The following SPOCK3 variants were observed in gnomAD, a reference collection of about 807,000 sequenced individuals.
SPOCK3 encodes the protein SPARC (osteonectin), cwcv and kazal like domains proteoglycan 3.
SPOCK3 carries 30 observed loss-of-function variants against 56.6 expected under a neutral mutation model. The ratio of observed to expected loss-of-function variants is 0.53; its 90% CI spans 0.40 to 0.72. The LOEUF is 0.72. Ranked by LOEUF, SPOCK3 falls within the 30% of genes least tolerant of loss-of-function variation. The pLI is 0.00. For synonymous variants in SPOCK3, 196 were observed against 183.3 expected (o/e 1.07, Z -0.56); for missense variants, 527 against 530.0 (o/e 0.99, Z 0.06).
intron 4 of SPOCK3, among the ~76,000 whole-genome samples, chr4:166,985,964 C>T (rs1747112030): frequency 2.0e-5 from 3 of 151,998 alleles, no homozygotes; most frequent in African/African-American, 7.2e-5. Context: ...CATATCTTTC[C>T]CCTTTTTAGT....
chr4:166,814,358 T>C (rs895480240), intron 6 of SPOCK3, among the ~76,000 whole-genome samples: 14 of 152,026 alleles, frequency 9.2e-5, no homozygotes, highest in Admixed American at 1.3e-4. Flanking sequence ...AAGTATTGTT[T>C]TTAGGTGTGT....
intron 7 of SPOCK3, among the ~76,000 whole-genome samples, chr4:166,778,305 G>A (rs1422505626): frequency 1.3e-5 from 2 of 152,238 alleles, no homozygotes; most frequent in Admixed American, 1.3e-4. Flanking sequence ...TAGTAGGCCT[G>A]TATTATCAAT....
Position 167,022,104 on chromosome 4 carries a change from T to G in SPOCK3, c.236-21641A>C, listed in dbSNP as rs113076204. Among the ~76,000 whole-genome samples, 118 of 152,086 alleles carry G rather than the reference T, an allele frequency of 7.8e-4. 1 individual carries two copies. The highest frequency in any genetic ancestry group is 2.6e-3 in the African/African-American group (110 of 41,512). On this transcript the variant is annotated intron_variant, in intron 3 of 10. Coordinates refer to ENST00000357545, the MANE Select transcript of SPOCK3 (RefSeq NM_001040159.2). ...GTGTGATACCCGAACGTCATTTGGATGTGCTGTTCCCATCTAGTACTGAAT... is the reference window on the plus strand; with the variant it reads ...GTGTGATACCCGAACGTCATTTGGAGGTGCTGTTCCCATCTAGTACTGAAT...
intron 2 of SPOCK3, among the ~76,000 whole-genome samples, chr4:167,144,768 A>G (rs974151910): frequency 1.9e-5 from 2 of 107,316 alleles, no homozygotes; most frequent in Admixed American, 8.7e-5. Flanking sequence ...AGTGCAATTA[A>G]TCTTGATGTG....
intron 3 of SPOCK3, among the ~76,000 whole-genome samples, chr4:167,051,112 T>A (rs1482879481): frequency 2.0e-5 from 3 of 152,172 alleles, no homozygotes; most frequent in Non-Finnish European, 4.4e-5. Context: ...TGTAATTTTT[T>A]AAAAAGTAAA....
chr4:166,898,632 T>A (rs1011286447), intron 5 of SPOCK3, among the ~76,000 whole-genome samples: 16 of 152,132 alleles, frequency 1.1e-4, no homozygotes, highest in Non-Finnish European at 2.2e-4. Flanking sequence ...TGAATTCACA[T>A]TAGGTAGTGA....
intron 6 of SPOCK3, among the ~76,000 whole-genome samples, chr4:166,838,223 C>T (rs1579373519): frequency 6.6e-6 from 1 of 152,036 alleles, no homozygotes; most frequent in African/African-American, 2.4e-5. Context: ...TCAAATGTGC[C>T]ATTTTCCACT....
At chr4:167,226,574 G>T (rs1426212238) in intron 2 of SPOCK3, among the ~76,000 whole-genome samples, 1 of 152,044 alleles carries the variant, frequency 6.6e-6, no homozygotes, top group Admixed American at 6.6e-5. Flanking sequence ...ATTGAGTATC[G>T]CTTGCTTTCT....
At chr4:166,985,481 C>T (rs1478911635) in intron 4 of SPOCK3, among the ~76,000 whole-genome samples, 3 of 152,108 alleles carry the variant, frequency 2.0e-5, no homozygotes, top group Admixed American at 1.3e-4. Context: ...TCACAGAAAA[C>T]ATGTCACTTT....
At chr4:167,108,224 AC>A (rs1760342078) in intron 2 of SPOCK3, among the ~76,000 whole-genome samples, 1 of 151,882 alleles carries the variant, frequency 6.6e-6, no homozygotes, top group South Asian at 2.1e-4. Context: ...AATTACTATA[AC>A]CACTATGGAG....
At position 166,811,888 on chromosome 4, in the gene SPOCK3, T is replaced by C. The variant is rs140320972; in HGVS notation, c.590-19599A>G. 4.3e-3 allele frequency among the ~76,000 whole-genome samples: 648 copies of C among 152,006 alleles called. 1 individual carries two copies. The highest frequency in any genetic ancestry group is 6.8e-3 in the Middle Eastern group (2 of 294). On this transcript the variant is annotated intron_variant, in intron 6 of 10. Coordinates refer to ENST00000357545, the MANE Select transcript of SPOCK3 (RefSeq NM_001040159.2). ...CAGTATTTTAGGAAAATGTTTTCAT[T>C]TTATTATTTAGATTGAGACTGCCTA...
intron 2 of SPOCK3, among the ~76,000 whole-genome samples, chr4:167,157,727 G>A (rs969964495): frequency 6.6e-6 from 1 of 151,174 alleles, no homozygotes; most frequent in Non-Finnish European, 1.5e-5. Context: ...TTCTGGAAAT[G>A]CTAGTGCAAT....
At chr4:167,130,672 C>T (rs1452384212) in intron 2 of SPOCK3, among the ~76,000 whole-genome samples, 1 of 151,780 alleles carries the variant, frequency 6.6e-6, no homozygotes, top group Non-Finnish European at 1.5e-5. Context: ...TAAAAAAAAC[C>T]CAGTCCAAGT....
chr4:167,191,735 C>T lies in SPOCK3; in HGVS notation c.189+42250G>A, dbSNP rs78873132. On this transcript the variant is annotated intron_variant, in intron 2 of 10. Coordinates refer to ENST00000357545, the MANE Select transcript of SPOCK3 (RefSeq NM_001040159.2). ...AGATTATATCATCTGCAAACAAGGA[C>T]AATTTAAATTCTTCAGTTCATATTT... 9.7e-3 allele frequency among the ~76,000 whole-genome samples: 1,407 copies of T among 145,026 alleles called. 112 individuals are homozygous for T. The highest frequency in any genetic ancestry group is 0.014 in the Non-Finnish European group (933 of 66,518).
chr4:167,065,984 A>G (rs930024084), intron 2 of SPOCK3, among the ~76,000 whole-genome samples: 1 of 151,920 alleles, frequency 6.6e-6, no homozygotes, highest in Non-Finnish European at 1.5e-5. Flanking sequence ...TCAAAAACTT[A>G]TGGAGTGAGT....
chr4:166,985,935 C>G (rs1747109837), intron 4 of SPOCK3, among the ~76,000 whole-genome samples: 1 of 152,124 alleles, frequency 6.6e-6, no homozygotes, highest in African/African-American at 2.4e-5. Flanking sequence ...TTTTCTGTCT[C>G]TAGGCTCTAA....
chr4:166,854,763 G>C (rs1214483198), intron 6 of SPOCK3, among the ~76,000 whole-genome samples: 1 of 152,122 alleles, frequency 6.6e-6, no homozygotes, highest in African/African-American at 2.4e-5. Flanking sequence ...TAATTAATAA[G>C]TTAATGAGCT....
At chr4:166,887,773 G>A (rs1272158821) in intron 6 of SPOCK3, among the ~76,000 whole-genome samples, 1 of 151,512 alleles carries the variant, frequency 6.6e-6, no homozygotes, top group Non-Finnish European at 1.5e-5. Context: ...TATACTGCTC[G>A]GGTGATGGGT....
chr4:167,168,242 C>T (rs919004816), intron 2 of SPOCK3, among the ~76,000 whole-genome samples: 8 of 151,978 alleles, frequency 5.3e-5, no homozygotes, highest in Admixed American at 2.6e-4. Flanking sequence ...GTAAATATAC[C>T]CAAAAATGTG....
Sources: gnomAD v4.1 joint callset for allele counts (sites outside exome capture counted in the v4.1 genomes callset) on GRCh38, gnomAD v4.1.1 for gene constraint, MANE v1.5 for transcripts, NCBI Gene and HGNC (gene_info 2026-07-23, HGNC 2026-07-21) for gene names.